TMPRSS15: variants seen among roughly 807,000 people sequenced by gnomAD.
TMPRSS15 encodes the protein enteropeptidase.
In TMPRSS15, 128 loss-of-function variants were observed where a neutral mutation model predicts 125.3. That is an observed-to-expected ratio of 1.02 (90% CI 0.89 to 1.18). The LOEUF is 1.18. Ranked by LOEUF, TMPRSS15 falls within the 50% of genes most tolerant of loss-of-function variation. TMPRSS15 has a pLI of 0.00. For missense variants in TMPRSS15, 1,283 were observed against 1,212.7 expected, an observed-to-expected ratio of 1.06 and a Z score of -0.86; for synonymous variants, 446 against 423.2, an observed-to-expected ratio of 1.05 and a Z score of -0.66.
intron 1 of TMPRSS15, among the ~76,000 whole-genome samples, chr21:18,402,432 G>A (rs1473646081): frequency 1.3e-5 from 2 of 150,860 alleles, no homozygotes; most frequent in East Asian, 3.9e-4. Context: ...GCAAGGCTGA[G>A]GCAGGAGAAT....
intron 1 of TMPRSS15, among the ~76,000 whole-genome samples, chr21:18,455,399 A>G (rs1978422316): frequency 6.6e-6 from 1 of 152,178 alleles, no homozygotes; most frequent in African/African-American, 2.4e-5. Context: ...CCTTTATGGA[A>G]AGCCATTACA....
intron 5 of TMPRSS15, among the ~76,000 whole-genome samples, chr21:18,376,844 C>A (rs1036301474): frequency 1.3e-5 from 2 of 152,164 alleles, no homozygotes; most frequent in Non-Finnish European, 2.9e-5. Flanking sequence ...AGAGCATAAT[C>A]CTCATGGACT....
At chr21:18,333,863 C>CATG (rs34745418) in intron 13 of TMPRSS15, among the ~76,000 whole-genome samples, 4 of 151,808 alleles carry the variant, frequency 2.6e-5, no homozygotes, top group African/African-American at 9.7e-5. Context: ...TGTAAAAAAT[C>CATG]AACTATTTTA....
chr21:18,341,467 C>A lies in TMPRSS15; in HGVS notation c.1510G>T (p.Gly504Trp). The change falls in exon 13 of 25, where the codon GGG becomes TGG. Residue 504 changes from glycine (G) to tryptophan (W), a missense_variant. Gly to Trp is a radical substitution (Grantham distance 184). Coordinates refer to ENST00000284885, the MANE Select transcript of TMPRSS15 (RefSeq NM_002772.3). ...AAAGTTGGTTCTGGATAAAGACTCC[C>A]ATTGCAAATCCCATATGTTAGGCTA... ...DISLTYGICNGSLYPEPTLVP... is the reference protein window; with the variant it reads ...DISLTYGICNWSLYPEPTLVP... 6.2e-7 allele frequency: 1 copy of A among 1,614,146 alleles called. No individual in the cohort carries two copies. The highest frequency in any genetic ancestry group is 1.1e-5 in the South Asian group (1 of 91,078).
intron 6 of TMPRSS15, 44 bp from the exon 7 acceptor site, chr21:18,365,292 G>A (rs1245839847): frequency 6.8e-7 from 1 of 1,469,090 alleles, no homozygotes; most frequent in Admixed American, 1.7e-5. Context: ...ACAATCTTGG[G>A]ATTCAAATTG....
At chr21:18,349,384 A>C (rs2075541032) in intron 10 of TMPRSS15, among the ~76,000 whole-genome samples, 1 of 152,178 alleles carries the variant, frequency 6.6e-6, no homozygotes, top group African/African-American at 2.4e-5. Flanking sequence ...ACCAGAAGAG[A>C]GTTCTTCAGA....
chr21:18,270,604 T>C (rs1262658778), intron 24 of TMPRSS15, among the ~76,000 whole-genome samples: 1 of 152,194 alleles, frequency 6.6e-6, no homozygotes, highest in Non-Finnish European at 1.5e-5. Context: ...TAGTATTATC[T>C]TTTTGGGGCT....
At chr21:18,340,284 T>C (rs895270810) in intron 13 of TMPRSS15, among the ~76,000 whole-genome samples, 1 of 152,052 alleles carries the variant, frequency 6.6e-6, no homozygotes, top group Non-Finnish European at 1.5e-5. Context: ...CCTTCATCTT[T>C]CCCCCATGCT....
intron 24 of TMPRSS15, among the ~76,000 whole-genome samples, chr21:18,272,973 A>C (rs898236364): frequency 6.6e-6 from 1 of 152,138 alleles, no homozygotes; most frequent in Non-Finnish European, 1.5e-5. Context: ...AGATGTGACA[A>C]ACACACATAG....
At chr21:18,313,386 A>G (rs151065817) in intron 17 of TMPRSS15, among the ~76,000 whole-genome samples, 2,279 of 151,526 alleles carry the variant, frequency 0.015, 20 homozygotes, top group South Asian at 0.053. Context: ...ATGTATATAC[A>G]CATTCTCTGT....
At chr21:18,419,670 A>G (rs2076188109) in intron 1 of TMPRSS15, among the ~76,000 whole-genome samples, 1 of 152,118 alleles carries the variant, frequency 6.6e-6, no homozygotes, top group Non-Finnish European at 1.5e-5. Context: ...TCTACGTTTT[A>G]TTTGACTTTG....
chr21:18,315,889 A>G (rs145578518), intron 16 of TMPRSS15, among the ~76,000 whole-genome samples: 5,335 of 149,144 alleles, frequency 0.036, 196 homozygotes, highest in African/African-American at 0.13. Context: ...CCTTTGCCAC[A>G]GCTCAAGGTG....
intron 1 of TMPRSS15, among the ~76,000 whole-genome samples, chr21:18,402,915 A>G (rs2076110198): frequency 6.6e-6 from 1 of 152,196 alleles, no homozygotes; most frequent in South Asian, 2.1e-4. Context: ...AAGAGTTATC[A>G]TTTCTTATGC....
chr21:18,397,400 T>C (rs957243221), intron 3 of TMPRSS15, among the ~76,000 whole-genome samples: 4 of 152,168 alleles, frequency 2.6e-5, no homozygotes, highest in Non-Finnish European at 2.9e-5. Context: ...CAAACATTCA[T>C]AGTGTGGAAT....
chr21:18,281,313 C>T, intron 21 of TMPRSS15, 92 bp from the exon 22 acceptor site: 1 of 1,092,454 alleles, frequency 9.2e-7, no homozygotes, highest in Non-Finnish European at 1.4e-6. Flanking sequence ...GAATATGTTT[C>T]TATCCTGAAA....
At chr21:18,347,062 C>A (rs1280781588) in intron 10 of TMPRSS15, among the ~76,000 whole-genome samples, 1 of 152,122 alleles carries the variant, frequency 6.6e-6, no homozygotes, top group Non-Finnish European at 1.5e-5. Flanking sequence ...TCTTTTACCT[C>A]CTTCCACTTC....
At chr21:18,379,226 A>C (rs905275453) in intron 5 of TMPRSS15, 57 bp downstream of exon 5, 1 of 870,810 alleles carries the variant, frequency 1.1e-6, no homozygotes, top group Non-Finnish European at 1.6e-6. Context: ...GCCTAAAATA[A>C]AATGTATAAG....
chr21:18,275,033 C>T (rs1296551292), intron 24 of TMPRSS15, among the ~76,000 whole-genome samples, 164 bp downstream of exon 24: 4 of 152,108 alleles, frequency 2.6e-5, no homozygotes, highest in South Asian at 2.1e-4. Context: ...TTCCAGTGCT[C>T]AGGTCTACCC....
intron 6 of TMPRSS15, among the ~76,000 whole-genome samples, chr21:18,366,892 T>C (rs1257208140): frequency 3.3e-5 from 5 of 152,092 alleles, no homozygotes. Flanking sequence ...ATAAAGTGAT[T>C]CTATCAAATT....
Sources: allele counts gnomAD v4.1 joint callset (sites outside exome capture counted in the v4.1 genomes callset), GRCh38; gene constraint gnomAD v4.1.1; transcripts MANE v1.5; gene names NCBI Gene and HGNC (gene_info 2026-07-23, HGNC 2026-07-21).